The following LATS1 variants were observed in gnomAD, a reference collection of about 807,000 sequenced individuals.
LATS1 encodes the protein serine/threonine-protein kinase LATS1.
In LATS1, 25 loss-of-function variants were observed where a neutral mutation model predicts 106.6. The observed-to-expected ratio is 0.23, with a 90% CI of 0.17 to 0.33. LATS1 has a LOEUF of 0.33. Among genes scored for constraint, LATS1 ranks in the 10% least tolerant of loss-of-function variants. The pLI, the probability that LATS1 is intolerant of heterozygous loss-of-function variation, is 1.00. For synonymous variants in LATS1, 465 were observed against 455.6 expected, an observed-to-expected ratio of 1.02 and a Z score of -0.26; for missense variants, 1,040 against 1,382.6, an observed-to-expected ratio of 0.75 and a Z score of 3.93.
chr6:149,711,836 T>G (rs1784118958), intron 1 of LATS1, among the ~76,000 whole-genome samples: 1 of 152,210 alleles, frequency 6.6e-6, no homozygotes, highest in Admixed American at 6.5e-5. Context: ...TTTCAGATTA[T>G]AGATCAGCAT....
intron 5 of LATS1, among the ~76,000 whole-genome samples, chr6:149,678,018 CA>C (rs5880845): frequency 0.47 from 59,389 of 126,512 alleles, 13,694 homozygotes; most frequent in East Asian, 0.81. Flanking sequence ...AACTCCGTCT[CA>C]AAAAAAAAAA....
At chr6:149,677,587 A>G (rs9393175) in intron 5 of LATS1, among the ~76,000 whole-genome samples, 52,167 of 152,044 alleles carry the variant, frequency 0.34, 10,650 homozygotes, top group East Asian at 0.81. Flanking sequence ...TGAAAGGCCT[A>G]TTTGAAATCC....
intron 4 of LATS1, 50 bp downstream of exon 4, chr6:149,683,029 C>A (rs1782143517): frequency 7.0e-7 from 1 of 1,425,474 alleles, no homozygotes; most frequent in Non-Finnish European, 9.6e-7. Flanking sequence ...AAATAAACAC[C>A]AAGCAAACAG....
intron 2 of LATS1, among the ~76,000 whole-genome samples, chr6:149,695,826 C>T (rs1262002777): frequency 6.6e-6 from 1 of 151,774 alleles, no homozygotes; most frequent in Non-Finnish European, 1.5e-5. Flanking sequence ...TTTCAACACA[C>T]CATTGTTGGC....
At chr6:149,712,068 A>G (rs1317311254) in intron 1 of LATS1, among the ~76,000 whole-genome samples, 1 of 152,132 alleles carries the variant, frequency 6.6e-6, no homozygotes, top group South Asian at 2.1e-4. Context: ...TGATTAAGAG[A>G]TTATTGGGCA....
chr6:149,695,076 G>T lies in LATS1; in HGVS notation c.494C>A (p.Pro165Gln). 6.3e-7 allele frequency: 1 copy of T among 1,587,124 alleles called. No individual in the cohort carries two copies. Among genetic ancestry groups the T allele is most frequent in the Non-Finnish European group, 8.5e-7 (1 of 1,170,668 alleles). The change falls in exon 3 of 8, where the codon CCA becomes CAA. Residue 165 changes from proline (P) to glutamine (Q), a missense_variant and splice_region_variant. By Grantham distance (76) the Pro-to-Gln change is moderately conservative. Coordinates refer to ENST00000543571, the MANE Select transcript of LATS1 (RefSeq NM_004690.4). ...AAATAAAATATTTGATTAATCACCTGGTTTCATGCTGGCATTAATAGGTCT... is the reference window on the plus strand; with the variant it reads ...AAATAAAATATTTGATTAATCACCTTGTTTCATGCTGGCATTAATAGGTCT... ...AARPINASMK[P>Q]GNVQQSVNRK...
chr6:149,664,195 G>A (rs1781026430), intron 7 of LATS1, among the ~76,000 whole-genome samples: 1 of 148,076 alleles, frequency 6.8e-6, no homozygotes, highest in Admixed American at 6.7e-5. Flanking sequence ...AAAAGATTCA[G>A]ATAATTCAAA....
chr6:149,714,861 TTGAA>T (rs1562363113), intron 1 of LATS1, among the ~76,000 whole-genome samples: 1 of 152,176 alleles, frequency 6.6e-6, no homozygotes, highest in Non-Finnish European at 1.5e-5. Context: ...TGGTATACAA[TTGAA>T]TGAATAAATG....
intron 1 of LATS1, 189 bp from the exon 2 acceptor site, chr6:149,702,455 T>C (rs777136490): frequency 1.4e-5 from 3 of 214,924 alleles, no homozygotes; most frequent in Non-Finnish European, 2.7e-5. Flanking sequence ...ATAACCTAGA[T>C]TTACCTCAAA....
intron 1 of LATS1, among the ~76,000 whole-genome samples, chr6:149,711,826 T>G (rs1446661585): frequency 6.6e-6 from 1 of 152,122 alleles, no homozygotes; most frequent in Non-Finnish European, 1.5e-5. Context: ...GCCTAGGAGA[T>G]TTCAGATTAT....
chr6:149,692,518 T>C (rs533946110), intron 3 of LATS1, among the ~76,000 whole-genome samples: 1 of 152,296 alleles, frequency 6.6e-6, no homozygotes, highest in East Asian at 1.9e-4. Context: ...TGTATCTGGG[T>C]GATTATTTAA....
At chr6:149,711,264 G>C (rs1209417003) in intron 1 of LATS1, among the ~76,000 whole-genome samples, 1 of 151,906 alleles carries the variant, frequency 6.6e-6, no homozygotes, top group East Asian at 1.9e-4. Context: ...ATATCTTTTG[G>C]CCGGGCACGG....
chr6:149,707,470 TTTATC>T (rs1347959070), intron 1 of LATS1, among the ~76,000 whole-genome samples: 3 of 152,110 alleles, frequency 2.0e-5, no homozygotes, highest in East Asian at 1.9e-4. Flanking sequence ...GTTGCCCAAA[TTTATC>T]TTATCTTACC....
At chr6:149,688,223 G>T (rs1046586423) in intron 3 of LATS1, among the ~76,000 whole-genome samples, 1 of 151,800 alleles carries the variant, frequency 6.6e-6, no homozygotes, top group East Asian at 1.9e-4. Context: ...TAAATCCATG[G>T]TCTATCACTT....
rs115364026 is a variant in LATS1, at chr6:149,670,284, T to G, written c.2883+5976A>C. ...AAACAAAAACCATACAAAGAGATAA[T>G]AGTAAAAACCACAGTAGAAGGAGAC... On this transcript the variant is annotated intron_variant, in intron 7 of 7. Coordinates refer to ENST00000543571, the MANE Select transcript of LATS1 (RefSeq NM_004690.4). 9.4e-3 allele frequency among the ~76,000 whole-genome samples: 1,386 copies of G among 146,830 alleles called. 37 individuals carry two copies. The highest frequency in any genetic ancestry group is 0.033 in the African/African-American group (1,313 of 39,346).
rs199685335 is a variant in LATS1, at chr6:149,701,823, T to C, written c.304A>G (p.Asn102Asp). Reference protein sequence around the residue: ...TNSSRSTSEVNPQMLQDLQAA... With the variant: ...TNSSRSTSEVDPQMLQDLQAA... ...TGCAAGTCTTGAAGCATTTGTGGAT[T>C]AACTTCTGAAGTACTCCGAGAAGAA... Residue 102 changes from asparagine to aspartate, a missense_variant, in exon 2 of 8, where the codon AAT becomes GAT. This residue lies in a region of LATS1 where 624 missense variants were observed against 714.8 expected (regional missense o/e 0.87). Coordinates refer to ENST00000543571, the MANE Select transcript of LATS1 (RefSeq NM_004690.4). 2.6e-4 allele frequency: 418 copies of C among 1,613,878 alleles called. 1 individual carries two copies. The highest frequency in any genetic ancestry group is 2.0e-5 in the Non-Finnish European group (24 of 1,179,948).
At chr6:149,711,748 G>C (rs1215490439) in intron 1 of LATS1, among the ~76,000 whole-genome samples, 1 of 152,118 alleles carries the variant, frequency 6.6e-6, no homozygotes, top group Non-Finnish European at 1.5e-5. Context: ...ATGGATGGGA[G>C]AGTTCCTTCC....
chr6:149,663,655 A>G (rs1204025816), intron 7 of LATS1, among the ~76,000 whole-genome samples: 2 of 152,172 alleles, frequency 1.3e-5, no homozygotes, highest in Admixed American at 6.5e-5. Context: ...GTCTTATCCC[A>G]GATTAGAAAA....
At chr6:149,693,647 AAAAC>A (rs1782900664) in intron 3 of LATS1, among the ~76,000 whole-genome samples, 1 of 151,196 alleles carries the variant, frequency 6.6e-6, no homozygotes, top group South Asian at 2.1e-4. Context: ...AACAAACACC[AAAAC>A]AAACCAATAA....
Sources: allele counts gnomAD v4.1 joint callset (sites outside exome capture counted in the v4.1 genomes callset), GRCh38; gene constraint gnomAD v4.1.1; regional missense constraint gnomAD v4.1.1; transcripts MANE v1.5; gene names NCBI Gene and HGNC (gene_info 2026-07-23, HGNC 2026-07-21).